Variants in STARD3NL observed in about 807,000 individuals in gnomAD.
STARD3NL encodes STARD3 N-terminal-like protein.
Under a neutral mutation model 30.9 loss-of-function variants are expected in STARD3NL, and 17 were observed. That is an observed-to-expected ratio of 0.55 (90% CI 0.38 to 0.82). The LOEUF (loss-of-function observed/expected upper bound fraction) is 0.82, where lower values mean the gene tolerates loss of function less well. Among genes scored for constraint, STARD3NL ranks in the 40% least tolerant of loss-of-function variants. The probability of loss-of-function intolerance (pLI) is 0.00; values close to 1 mark genes in which losing one functional copy is unlikely to be tolerated. For synonymous variants in STARD3NL, 112 were observed against 100.5 expected, an observed-to-expected ratio of 1.11 and a Z score of -0.69; for missense variants, 234 against 277.6, an observed-to-expected ratio of 0.84 and a Z score of 1.12.
Position 38,217,228 on chromosome 7 carries a change from T to C in STARD3NL, c.476T>C (p.Ile159Thr), listed in dbSNP as rs1271220960. ...QGAFGYVLPIISFILAWIETW... is the reference protein window; with the variant it reads ...QGAFGYVLPITSFILAWIETW... ...GCTTTTGGCTATGTGCTGCCCATCA[T>C]TTCATTCATCCTTGCCTGGATTGAG... The change falls in exon 6 of 9, where the codon ATT (isoleucine) becomes ACT (threonine). Residue 159 changes from isoleucine (I) to threonine (T), a missense_variant. Ile to Thr is a moderately conservative substitution (Grantham distance 89). Coordinates refer to ENST00000009041, the MANE Select transcript of STARD3NL (RefSeq NM_032016.4). 2.5e-6 allele frequency: 4 copies of C among 1,614,106 alleles called. No individual in the cohort carries two copies. The highest frequency in any genetic ancestry group is 3.4e-6 in the Non-Finnish European group (4 of 1,179,964).
chr7:38,216,870 G>A, intron 4 of STARD3NL, 155 bp from the exon 5 acceptor site: 1 of 788,436 alleles, frequency 1.3e-6, no homozygotes, highest in Non-Finnish European at 2.1e-6. Flanking sequence ...TGGGTCTAGG[G>A]GAGAGAGACT....
chr7:38,214,547 A>G (rs1000939418), intron 3 of STARD3NL, 113 bp downstream of exon 3: 7 of 577,148 alleles, frequency 1.2e-5, no homozygotes, highest in Admixed American at 3.5e-5. Context: ...AACACTGACC[A>G]TATTTTCCTT....
intron 1 of STARD3NL, among the ~76,000 whole-genome samples, chr7:38,180,866 T>C (rs1784217014): frequency 6.6e-6 from 1 of 152,244 alleles, no homozygotes; most frequent in Non-Finnish European, 1.5e-5. Context: ...AAATAATGCA[T>C]CTAATGGCCA....
At chr7:38,215,155 A>G (rs1424770205) in intron 4 of STARD3NL, 50 bp downstream of exon 4, 1 of 1,559,756 alleles carries the variant, frequency 6.4e-7, no homozygotes, top group South Asian at 1.1e-5. Flanking sequence ...CTGGTGGCCA[A>G]GTCCTGCTCT....
intron 7 of STARD3NL, among the ~76,000 whole-genome samples, chr7:38,220,942 AAAAAAGAAAAG>A (rs1283682103): frequency 5.6e-5 from 4 of 71,022 alleles, no homozygotes; most frequent in African/African-American, 2.7e-4. Context: ...TGTCTCTATT[AAAAAAGAAAAG>A]AAAAGAAAAG....
In STARD3NL at chr7:38,222,935, C is replaced by T. The variant is rs138475769; in HGVS notation, c.649+3275C>T. Among the ~76,000 whole-genome samples the T allele has an allele frequency of 2.2e-3, 330 of 152,244 alleles. 1 individual carries two copies. Among genetic ancestry groups the T allele is most frequent in the African/African-American group, 6.5e-3 (271 of 41,550 alleles). On this transcript the variant is annotated intron_variant, in intron 7 of 8. Transcript: ENST00000009041. ...AAAAAAAGACTACTCTAGAGCAAAGCTTTTCCCTTATGCCAATAGCTAAAA... is the reference window on the plus strand; with the variant it reads ...AAAAAAAGACTACTCTAGAGCAAAGTTTTTCCCTTATGCCAATAGCTAAAA...
Position 38,207,485 on chromosome 7 carries a change from T to C in STARD3NL, c.-20T>C. 6.2e-7 allele frequency: 1 copy of C among 1,611,208 alleles called. No individual in the cohort carries two copies. The highest frequency in any genetic ancestry group is 1.1e-5 in the South Asian group (1 of 90,838). Reference sequence around the variant, plus strand: ...AGGGATGGTGAGGTTGGAAAAAGGCTCCTGTAACCCTCCTCCAGGATGAAC... The same window carrying C: ...AGGGATGGTGAGGTTGGAAAAAGGCCCCTGTAACCCTCCTCCAGGATGAAC... On this transcript the variant is annotated 5_prime_UTR_variant, in exon 2 of 9. Transcript: ENST00000009041.
intron 7 of STARD3NL, among the ~76,000 whole-genome samples, chr7:38,225,996 CCTT>C (rs1449547930): frequency 2.0e-5 from 3 of 152,114 alleles, no homozygotes; most frequent in Non-Finnish European, 4.4e-5. Context: ...ACATTTTCCT[CCTT>C]CTGGGATTCC....
In STARD3NL at chr7:38,197,476, T is replaced by A. The variant is rs559755596; in HGVS notation, c.-58-9971T>A. On this transcript the variant is annotated intron_variant, in intron 1 of 8. Coordinates refer to ENST00000009041, the MANE Select transcript of STARD3NL (RefSeq NM_032016.4). Reference sequence around the variant, plus strand: ...ACTTAGCCTCCCAAAGTGCCAGGATTATATTTGTGAGCCACTGTGCCCAGC... The same window carrying A: ...ACTTAGCCTCCCAAAGTGCCAGGATAATATTTGTGAGCCACTGTGCCCAGC... Among the ~76,000 whole-genome samples the A allele has an allele frequency of 7.2e-5, 11 of 152,286 alleles. No homozygotes were observed. The South Asian group carries it at 2.3e-3, about 32-fold the overall frequency.
chr7:38,215,333 C>G (rs540366677), intron 4 of STARD3NL: 1 of 506,834 alleles, frequency 2.0e-6, no homozygotes, highest in Admixed American at 3.6e-5. Context: ...AATGAGGAAT[C>G]TAGAAGCCCA....
intron 1 of STARD3NL, among the ~76,000 whole-genome samples, chr7:38,197,863 T>A (rs1358633243): frequency 6.6e-6 from 1 of 152,236 alleles, no homozygotes; most frequent in Non-Finnish European, 1.5e-5. Context: ...GGTTATTCCC[T>A]CACTGTTCCC....
intron 2 of STARD3NL, among the ~76,000 whole-genome samples, chr7:38,208,512 A>G (rs1009743541): frequency 3.3e-5 from 5 of 152,202 alleles, no homozygotes; most frequent in African/African-American, 1.2e-4. Flanking sequence ...AATATTTTTT[A>G]TTTAACCCAA....
intron 7 of STARD3NL, among the ~76,000 whole-genome samples, chr7:38,221,241 A>T (rs1249592967): frequency 6.6e-6 from 1 of 152,168 alleles, no homozygotes; most frequent in East Asian, 1.9e-4. Context: ...AAAATTGCTA[A>T]CACTTTTTTA....
intron 1 of STARD3NL, among the ~76,000 whole-genome samples, chr7:38,179,469 AGAAAT>A (rs1157598527): frequency 6.6e-6 from 1 of 152,256 alleles, no homozygotes; most frequent in African/African-American, 2.4e-5. Context: ...ACTGCATGAA[AGAAAT>A]GAAATGAAAC....
intron 7 of STARD3NL, among the ~76,000 whole-genome samples, chr7:38,221,926 T>A (rs1449656770): frequency 6.6e-6 from 1 of 152,218 alleles, no homozygotes; most frequent in African/African-American, 2.4e-5. Context: ...TGCTCACATG[T>A]TCCCATGTTC....
In STARD3NL at chr7:38,196,918, CA is replaced by C. The variant is rs1269918616; in HGVS notation, c.-58-10527del. Among the ~76,000 whole-genome samples, 3 of 152,112 alleles carry C rather than the reference CA, an allele frequency of 2.0e-5. 1 individual carries two copies. Among genetic ancestry groups the C allele is most frequent in the Non-Finnish European group, 4.4e-5 (3 of 68,014 alleles). ...GGATCATATAGGGCACACAGGAAAA[CA>C]AGGCTGCTTTGAAATGTCAACGTAA... is the stretch of plus-strand genomic sequence containing the variant. On this transcript the variant is annotated intron_variant, in intron 1 of 8. Coordinates refer to ENST00000009041, the MANE Select transcript of STARD3NL (RefSeq NM_032016.4).
chr7:38,181,585 G>GT (rs1784247849), intron 1 of STARD3NL, among the ~76,000 whole-genome samples: 1 of 152,124 alleles, frequency 6.6e-6, no homozygotes, highest in Non-Finnish European at 1.5e-5. Context: ...TGACTCTGCT[G>GT]TAACTTAATA....
intron 4 of STARD3NL, chr7:38,215,739 A>G (rs909911355): frequency 7.2e-5 from 11 of 152,368 alleles, no homozygotes; most frequent in African/African-American, 2.4e-4. Context: ...TTAATAAGTC[A>G]GTTCTATGGG....
intron 1 of STARD3NL, among the ~76,000 whole-genome samples, chr7:38,181,175 C>A (rs1784231808): frequency 6.6e-6 from 1 of 152,128 alleles, no homozygotes; most frequent in East Asian, 1.9e-4. Flanking sequence ...TTAAAAATGA[C>A]TTTTAAATTT....
Sources: allele counts gnomAD v4.1 joint callset (sites outside exome capture counted in the v4.1 genomes callset), GRCh38; gene constraint gnomAD v4.1.1; transcripts MANE v1.5; gene names NCBI Gene and HGNC (gene_info 2026-07-23, HGNC 2026-07-21).